The following KIF6 variants were observed in gnomAD, a reference collection of about 807,000 sequenced individuals.
The protein encoded by KIF6 is kinesin-like protein KIF6.
A neutral mutation model predicts 112.7 loss-of-function variants in KIF6; 106 were observed. The ratio of observed to expected loss-of-function variants is 0.94; its 90% CI spans 0.80 to 1.11. KIF6 has a LOEUF of 1.11. Ranked by LOEUF, KIF6 falls within the 50% of genes least tolerant of loss-of-function variation. The pLI is 0.00. For synonymous variants in KIF6, 339 were observed against 339.9 expected (o/e 1.00, Z 0.03); for missense variants, 929 against 964.0 (o/e 0.96, Z 0.48).
chr6:39,485,776 TG>T (rs1775075709), intron 13 of KIF6, among the ~76,000 whole-genome samples: 1 of 152,210 alleles, frequency 6.6e-6, no homozygotes, highest in Non-Finnish European at 1.5e-5. Flanking sequence ...TTAGAAAGAA[TG>T]TGCCAACACA....
At chr6:39,475,352 C>T (rs533602184) in intron 13 of KIF6, among the ~76,000 whole-genome samples, 4 of 152,290 alleles carry the variant, frequency 2.6e-5, no homozygotes, top group South Asian at 2.1e-4. Flanking sequence ...TTAAAACACA[C>T]GCAAACATAC....
At chr6:39,513,775 T>G (rs973642898) in intron 13 of KIF6, among the ~76,000 whole-genome samples, 1 of 152,178 alleles carries the variant, frequency 6.6e-6, no homozygotes, top group East Asian at 1.9e-4. Context: ...TCTGTTATGA[T>G]ATGAACACAC....
At chr6:39,585,571 A>T (rs183271393) in intron 8 of KIF6, among the ~76,000 whole-genome samples, 100 of 152,372 alleles carry the variant, frequency 6.6e-4, no homozygotes, top group Non-Finnish European at 1.2e-3. Context: ...CCTAAGTGGC[A>T]GCTGGTATAG....
chr6:39,562,581 C>T (rs1360678299), intron 10 of KIF6, among the ~76,000 whole-genome samples: 1 of 152,196 alleles, frequency 6.6e-6, no homozygotes, highest in African/African-American at 2.4e-5. Context: ...AACCTCACAC[C>T]TTTATGGCTC....
chr6:39,681,057 CA>C (rs1787482131), intron 3 of KIF6, among the ~76,000 whole-genome samples: 1 of 151,842 alleles, frequency 6.6e-6, no homozygotes, highest in Non-Finnish European at 1.5e-5. Context: ...TAAATGACTT[CA>C]AAAAGTAATT....
intron 13 of KIF6, among the ~76,000 whole-genome samples, chr6:39,489,338 C>T (rs906338872): frequency 1.3e-5 from 2 of 152,040 alleles, no homozygotes; most frequent in African/African-American, 4.8e-5. Context: ...CACATCTGTT[C>T]ATTTAAAAAT....
chr6:39,567,676 C>T (rs1455899886), intron 10 of KIF6, among the ~76,000 whole-genome samples: 2 of 151,264 alleles, frequency 1.3e-5, no homozygotes, highest in Non-Finnish European at 1.5e-5. Context: ...GGCGCTATCT[C>T]GGCTCACTCC....
At chr6:39,478,842 C>T (rs1774616210) in intron 13 of KIF6, among the ~76,000 whole-genome samples, 1 of 151,856 alleles carries the variant, frequency 6.6e-6, no homozygotes, top group Non-Finnish European at 1.5e-5. Flanking sequence ...CTGCATTTCC[C>T]TGATAATTAA....
chr6:39,634,990 G>T, intron 4 of KIF6, 32 bp from the exon 5 acceptor site: 1 of 1,175,816 alleles, frequency 8.5e-7, no homozygotes, highest in Non-Finnish European at 1.3e-6. Flanking sequence ...ATTATTTATC[G>T]GTTATAACAA....
intron 3 of KIF6, among the ~76,000 whole-genome samples, chr6:39,675,472 A>G (rs1391268504): frequency 6.6e-6 from 1 of 152,190 alleles, no homozygotes; most frequent in Admixed American, 6.5e-5. Flanking sequence ...GAAGATGACT[A>G]GCCCTGAAGT....
At chr6:39,669,697 G>GT in intron 3 of KIF6, among the ~76,000 whole-genome samples, 1 of 152,334 alleles carries the variant, frequency 6.6e-6, no homozygotes, top group East Asian at 1.9e-4. Flanking sequence ...CCCCGGAATA[G>GT]AATAGACATA....
At chr6:39,538,946 T>A (rs977840858) in intron 13 of KIF6, among the ~76,000 whole-genome samples, 1 of 150,956 alleles carries the variant, frequency 6.6e-6, no homozygotes, top group Non-Finnish European at 1.5e-5. Flanking sequence ...AAATCATCAT[T>A]CTCAGTAAAC....
intron 6 of KIF6, among the ~76,000 whole-genome samples, chr6:39,612,745 G>A (rs1783286499): frequency 6.6e-6 from 1 of 152,068 alleles, no homozygotes; most frequent in Non-Finnish European, 1.5e-5. Context: ...AAAACATATG[G>A]ATATGTAAAC....
At chr6:39,597,955 C>T (rs1251141856) in intron 6 of KIF6, among the ~76,000 whole-genome samples, 1 of 152,128 alleles carries the variant, frequency 6.6e-6, no homozygotes, top group African/African-American at 2.4e-5. Flanking sequence ...CACTTGAGGT[C>T]AGGAGTTTGA....
At chr6:39,412,068 T>A (rs374217568) in intron 15 of KIF6, among the ~76,000 whole-genome samples, 27 of 152,326 alleles carry the variant, frequency 1.8e-4, no homozygotes, top group African/African-American at 6.3e-4. Flanking sequence ...AAGGTAGCCA[T>A]CCATCTTTTC....
chr6:39,695,789 A>G (rs779570249), intron 3 of KIF6, among the ~76,000 whole-genome samples: 5 of 152,182 alleles, frequency 3.3e-5, no homozygotes, highest in Non-Finnish European at 2.9e-5. Context: ...AGAAAACCCA[A>G]TACTGGGTAT....
chr6:39,684,819 G>A (rs968702236), intron 3 of KIF6, among the ~76,000 whole-genome samples: 2 of 151,578 alleles, frequency 1.3e-5, no homozygotes, highest in Non-Finnish European at 2.9e-5. Flanking sequence ...AAAATTAAGA[G>A]TAAACAAGTA....
chr6:39,702,715 A>G (rs554132295), intron 3 of KIF6, among the ~76,000 whole-genome samples: 18 of 152,194 alleles, frequency 1.2e-4, no homozygotes, highest in Non-Finnish European at 2.6e-4. Flanking sequence ...TCTTTCTGTT[A>G]ATAACACAAA....
intron 13 of KIF6, among the ~76,000 whole-genome samples, chr6:39,484,533 G>T (rs114259676): frequency 6.6e-6 from 1 of 152,154 alleles, no homozygotes; most frequent in African/African-American, 2.4e-5. Flanking sequence ...AAGAAATGGC[G>T]GGAGATGGAG....
Sources: allele counts gnomAD v4.1 joint callset (sites outside exome capture counted in the v4.1 genomes callset), GRCh38; gene constraint gnomAD v4.1.1; transcripts MANE v1.5; gene names NCBI Gene and HGNC (gene_info 2026-07-23, HGNC 2026-07-21).